Variants in SLC1A3 observed in about 807,000 individuals in gnomAD.
SLC1A3 encodes excitatory amino acid transporter 1.
In SLC1A3, 21 loss-of-function variants were observed where a neutral mutation model predicts 48.1. That is an observed-to-expected ratio of 0.44 (90% confidence interval 0.31 to 0.63). The LOEUF (loss-of-function observed/expected upper bound fraction) is 0.63, where lower values mean the gene tolerates loss of function less well. Among genes scored for constraint, SLC1A3 ranks in the 20% least tolerant of loss-of-function variants. The probability of loss-of-function intolerance (pLI) is 0.08; values close to 1 mark genes in which losing one functional copy is unlikely to be tolerated. For missense variants in SLC1A3, 546 were observed against 689.0 expected, an observed-to-expected ratio of 0.79 and a Z score of 2.32; for synonymous variants, 239 against 251.4, an observed-to-expected ratio of 0.95 and a Z score of 0.47.
intron 3 of SLC1A3, among the ~76,000 whole-genome samples, chr5:36,649,624 G>C (rs1181681802): frequency 2.0e-5 from 3 of 152,178 alleles, no homozygotes; most frequent in African/African-American, 7.2e-5. Context: ...ATTCCTGACT[G>C]TGTTGAAATA....
chr5:36,661,748 A>G (rs1287987853), intron 3 of SLC1A3, among the ~76,000 whole-genome samples: 4 of 152,200 alleles, frequency 2.6e-5, no homozygotes, highest in South Asian at 2.1e-4. Flanking sequence ...TTCAACTTCT[A>G]TGAGGCTTTC....
intron 3 of SLC1A3, among the ~76,000 whole-genome samples, chr5:36,652,500 A>C (rs1741123078): frequency 6.6e-6 from 1 of 152,190 alleles, no homozygotes; most frequent in African/African-American, 2.4e-5. Context: ...AACAGCTTAA[A>C]AATAGAACAA....
At chr5:36,670,662 C>G (rs1741951029) in intron 3 of SLC1A3, among the ~76,000 whole-genome samples, 1 of 152,152 alleles carries the variant, frequency 6.6e-6, no homozygotes, top group African/African-American at 2.4e-5. Flanking sequence ...CACACATGCA[C>G]ACAGGCACAC....
chr5:36,680,230 A>G (rs1395059935), intron 7 of SLC1A3, 165 bp from the exon 8 acceptor site: 3 of 692,594 alleles, frequency 4.3e-6, no homozygotes, highest in Non-Finnish European at 7.7e-6. Flanking sequence ...CCGTGAGGGG[A>G]CCACACTGTT....
chr5:36,630,242 G>A (rs988182913), intron 3 of SLC1A3, among the ~76,000 whole-genome samples: 2 of 152,208 alleles, frequency 1.3e-5, no homozygotes, highest in Non-Finnish European at 2.9e-5. Flanking sequence ...ACAAGTGGAA[G>A]CTTTGCAGGA....
At chr5:36,599,611 G>A (rs1210702557) in intron 1 of SLC1A3, among the ~76,000 whole-genome samples, 1 of 142,270 alleles carries the variant, frequency 7.0e-6, no homozygotes, top group Non-Finnish European at 1.5e-5. Context: ...CAGGGTTCAA[G>A]CGATTCTCCT....
Position 36,683,971 on chromosome 5 carries a change from C to A in SLC1A3, c.1397C>A (p.Thr466Lys). The stretch of plus-strand genomic sequence containing the variant: ...GTCGGCCTGCCCACTGACGACATCA[C>A]GCTCATCATCGCGGTGGACTGGTTC... ...TSVGLPTDDITLIIAVDWFLD... is the reference protein window; with the variant it reads ...TSVGLPTDDIKLIIAVDWFLD... The change falls in exon 9 of 10, where the codon ACG becomes AAG. Residue 466 changes from threonine to lysine, a missense_variant. Around this residue, in one of 3 missense-constraint regions of SLC1A3, gnomAD observed 142 missense variants for 238.0 expected, o/e 0.60. Coordinates refer to ENST00000265113, the MANE Select transcript of SLC1A3 (RefSeq NM_004172.5). The A allele has an allele frequency of 6.2e-7, 1 of 1,614,224 alleles. No individual in the cohort carries two copies. Among genetic ancestry groups the A allele is most frequent in the Non-Finnish European group, 8.5e-7 (1 of 1,180,038 alleles).
intron 3 of SLC1A3, chr5:36,667,931 C>T (rs1292405123): frequency 6.6e-6 from 1 of 152,200 alleles, no homozygotes. Flanking sequence ...AGATCATTAT[C>T]TTTACCACTT....
At chr5:36,629,858 A>C in intron 3 of SLC1A3, 1 of 449,878 alleles carries the variant, frequency 2.2e-6, no homozygotes. Context: ...GCTAAACACC[A>C]CACCATCAGC....
Position 36,654,692 on chromosome 5 carries a change from A to G in SLC1A3, c.320-16337A>G, listed in dbSNP as rs16903249. 8.2e-3 allele frequency among the ~76,000 whole-genome samples: 1,251 copies of G among 152,214 alleles called. 19 individuals carry two copies. The highest frequency in any genetic ancestry group is 0.029 in the African/African-American group (1,187 of 41,526). On this transcript the variant is annotated intron_variant, in intron 3 of 9. Transcript: ENST00000265113. ...ATGCTACCTTCCCTTCCTTGTCCCC[A>G]TTGCATGTGTGCTCTGCGTCATGCA...
At chr5:36,652,164 G>T (rs754830814) in intron 3 of SLC1A3, among the ~76,000 whole-genome samples, 2 of 152,186 alleles carry the variant, frequency 1.3e-5, no homozygotes, top group African/African-American at 4.8e-5. Flanking sequence ...CAATTCTGCC[G>T]TAGGACATGA....
intron 2 of SLC1A3, among the ~76,000 whole-genome samples, chr5:36,616,141 A>G (rs1026848982): frequency 3.9e-5 from 6 of 152,056 alleles, no homozygotes; most frequent in Admixed American, 2.6e-4. Flanking sequence ...GTTGCAGTGA[A>G]CTGAGATCGT....
intron 3 of SLC1A3, among the ~76,000 whole-genome samples, chr5:36,635,147 CT>C (rs747681333): frequency 5.3e-5 from 8 of 151,680 alleles, no homozygotes; most frequent in Non-Finnish European, 8.8e-5. Context: ...ACCTGCCCCC[CT>C]CAACACCTAC....
intron 3 of SLC1A3, among the ~76,000 whole-genome samples, chr5:36,633,233 TTTC>T (rs1288070409): frequency 3.3e-5 from 5 of 152,210 alleles, no homozygotes; most frequent in African/African-American, 1.2e-4. Context: ...AAACTAGTGC[TTTC>T]TTCTTTTCTC....
At chr5:36,624,653 G>A (rs116034212) in intron 2 of SLC1A3, among the ~76,000 whole-genome samples, 93 of 152,308 alleles carry the variant, frequency 6.1e-4, no homozygotes, top group African/African-American at 2.1e-3. Flanking sequence ...GGATGCAAAC[G>A]TTGACACACG....
At chr5:36,679,995 T>C in intron 7 of SLC1A3, 135 bp downstream of exon 7, 2 of 716,568 alleles carry the variant, frequency 2.8e-6, no homozygotes, top group Non-Finnish European at 5.0e-6. Flanking sequence ...TCATTTCTGA[T>C]GTCAATCACA....
intron 2 of SLC1A3, among the ~76,000 whole-genome samples, chr5:36,625,203 A>G (rs1739853966): frequency 6.6e-6 from 1 of 152,260 alleles, no homozygotes; most frequent in Admixed American, 6.5e-5. Context: ...CACGCCTGTA[A>G]TCCTAGCACT....
At chr5:36,644,620 TATAA>T (rs1157645106) in intron 3 of SLC1A3, among the ~76,000 whole-genome samples, 4 of 152,232 alleles carry the variant, frequency 2.6e-5, no homozygotes, top group African/African-American at 9.6e-5. Flanking sequence ...ATAAGGCAGA[TATAA>T]ATATTTTAAT....
chr5:36,676,974 T>A lies in SLC1A3; in HGVS notation c.650T>A (p.Val217Glu). 1.2e-6 allele frequency: 2 copies of A among 1,614,050 alleles called. No homozygotes were observed. The highest frequency in any genetic ancestry group is 1.7e-6 in the Non-Finnish European group (2 of 1,179,920). Residue 217 changes from valine to glutamate, a missense_variant, in exon 6 of 10, where the codon GTG becomes GAG. By Grantham distance (121) the Val-to-Glu change is moderately radical. Around this residue, in one of 3 missense-constraint regions of SLC1A3, gnomAD observed 348 missense variants for 392.0 expected, o/e 0.89. Coordinates refer to ENST00000265113, the MANE Select transcript of SLC1A3 (RefSeq NM_004172.5). ...ETLVGAVINN[V>E]SEAMETLTRI... ...CTTGTGGGTGCTGTGATAAACAATGTGTCTGAGGCCATGGAGACTCTTACC... is the reference window on the plus strand; with the variant it reads ...CTTGTGGGTGCTGTGATAAACAATGAGTCTGAGGCCATGGAGACTCTTACC...
Sources: allele counts gnomAD v4.1 joint callset (sites outside exome capture counted in the v4.1 genomes callset), GRCh38; gene constraint gnomAD v4.1.1; regional missense constraint gnomAD v4.1.1; transcripts MANE v1.5; gene names NCBI Gene and HGNC (gene_info 2026-07-23, HGNC 2026-07-21).